FOXJ3: variants seen among roughly 807,000 people sequenced by gnomAD.
The protein encoded by FOXJ3 is forkhead box protein J3.
Under a neutral mutation model 76.1 loss-of-function variants are expected in FOXJ3, and 22 were observed. The ratio of observed to expected loss-of-function variants is 0.29; its 90% CI spans 0.21 to 0.41. The LOEUF is 0.41. FOXJ3 is among the 10% of genes least tolerant of loss of function. The pLI is 1.00. For missense variants in FOXJ3, 613 were observed against 762.1 expected (o/e 0.80, Z 2.30); for synonymous variants, 269 against 261.2 (o/e 1.03, Z -0.29).
At chr1:42,277,776 G>C (rs553091347) in intron 3 of FOXJ3, among the ~76,000 whole-genome samples, 2 of 60,952 alleles carry the variant, frequency 3.3e-5, no homozygotes, top group African/African-American at 5.9e-5. Context: ...CAGCCTGGGC[G>C]ACAGAGCGAG....
intron 9 of FOXJ3, 30 bp downstream of exon 9, chr1:42,191,273 C>T: frequency 6.6e-7 from 1 of 1,517,950 alleles, no homozygotes. Context: ...TCACAGTTAG[C>T]CAAACACAAA....
chr1:42,254,982 A>G (rs1335601768), intron 4 of FOXJ3, among the ~76,000 whole-genome samples: 1 of 152,054 alleles, frequency 6.6e-6, no homozygotes, highest in African/African-American at 2.4e-5. Context: ...TTAAAAAAAG[A>G]AAAGAAAAAA....
chr1:42,258,091 G>A (rs542483597), intron 4 of FOXJ3, among the ~76,000 whole-genome samples: 22 of 152,284 alleles, frequency 1.4e-4, no homozygotes, highest in African/African-American at 4.6e-4. Context: ...GTATATGCCC[G>A]TTGGTAAAGG....
intron 4 of FOXJ3, among the ~76,000 whole-genome samples, chr1:42,229,786 G>A (rs896482529): frequency 6.6e-6 from 1 of 152,116 alleles, no homozygotes; most frequent in Non-Finnish European, 1.5e-5. Context: ...ATGCAAGGGG[G>A]AAAAATTTTA....
chr1:42,261,255 G>A (rs1409097581), intron 4 of FOXJ3, among the ~76,000 whole-genome samples: 2 of 150,942 alleles, frequency 1.3e-5, no homozygotes, highest in African/African-American at 4.9e-5. Context: ...AAAGAGAAGA[G>A]ACAAAAGACG....
intron 4 of FOXJ3, among the ~76,000 whole-genome samples, chr1:42,251,959 C>T (rs1417636486): frequency 2.0e-5 from 3 of 151,978 alleles, no homozygotes; most frequent in Non-Finnish European, 2.9e-5. Context: ...CCTCGTGATC[C>T]GCCCATCTCG....
chr1:42,300,426 G>T (rs1201678719), intron 2 of FOXJ3, among the ~76,000 whole-genome samples: 2 of 152,084 alleles, frequency 1.3e-5, no homozygotes, highest in Non-Finnish European at 2.9e-5. Context: ...GTTTGTCTGG[G>T]AAAGACTTTA....
chr1:42,179,568 C>T lies in FOXJ3; in HGVS notation c.*142G>A, dbSNP rs1646276022. On this transcript the variant is annotated 3_prime_UTR_variant, in exon 13 of 13. Coordinates refer to ENST00000361346, the MANE Select transcript of FOXJ3 (RefSeq NM_014947.5). ...AGCAGTAAGTTATCCAGCTAAAATC[C>T]TTCTGATTGTCTTCAAAAGTAATTT... The T allele has an allele frequency of 1.8e-6, 1 of 555,506 alleles. No homozygotes were observed. The highest frequency in any genetic ancestry group is 1.9e-5 in the African/African-American group (1 of 52,872). The allele number at this position is 555,506 out of a possible 1,614,324, so 34.4% of individuals were successfully genotyped here.
At chr1:42,267,360 T>C (rs768999075) in intron 3 of FOXJ3, among the ~76,000 whole-genome samples, 1 of 151,902 alleles carries the variant, frequency 6.6e-6, no homozygotes, top group Non-Finnish European at 1.5e-5. Context: ...CAAGCACAAA[T>C]TAACAGGAGC....
chr1:42,179,916 G>A (rs1646284560), intron 12 of FOXJ3, 91 bp from the exon 13 acceptor site: 1 of 784,016 alleles, frequency 1.3e-6, no homozygotes, highest in Non-Finnish European at 2.2e-6. Context: ...CTATATGCCA[G>A]GCACACATTA....
chr1:42,222,798 TGTTCATTGCTGTTTCCTCAG>T (rs937475743), intron 5 of FOXJ3, among the ~76,000 whole-genome samples: 3 of 152,214 alleles, frequency 2.0e-5, no homozygotes, highest in Non-Finnish European at 2.9e-5. Flanking sequence ...TTTTGTGTTT[TGTTCATTGCTGTTTCCTCAG>T]GATCTAGAAC....
In FOXJ3 at chr1:42,259,817, G is replaced by A. The variant is rs150917828; in HGVS notation, c.444+5298C>T. Among the ~76,000 whole-genome samples, 160 of 152,054 alleles carry A rather than the reference G, an allele frequency of 1.1e-3. 3 individuals are homozygous for A. The East Asian group carries it at 0.028, about 26-fold the overall frequency. ...ATTCTACCCAGCTTTGCTCTGACTCGTCCCTCAGCTAAACTTGATCATATC... is the reference window on the plus strand; with the variant it reads ...ATTCTACCCAGCTTTGCTCTGACTCATCCCTCAGCTAAACTTGATCATATC... On this transcript the variant is annotated intron_variant, in intron 4 of 12. Coordinates refer to ENST00000361346, the MANE Select transcript of FOXJ3 (RefSeq NM_014947.5).
At chr1:42,305,134 G>A (rs1473900915) in intron 2 of FOXJ3, among the ~76,000 whole-genome samples, 2 of 152,154 alleles carry the variant, frequency 1.3e-5, no homozygotes, top group African/African-American at 4.8e-5. Context: ...ACAGGTGTAT[G>A]AAAAAGTGCT....
intron 4 of FOXJ3, among the ~76,000 whole-genome samples, chr1:42,263,060 G>C (rs1651182053): frequency 6.6e-6 from 1 of 152,206 alleles, no homozygotes; most frequent in East Asian, 1.9e-4. Flanking sequence ...AGCCTCTCAG[G>C]ACTCAATTTA....
At chr1:42,235,917 G>C (rs901805555) in intron 4 of FOXJ3, among the ~76,000 whole-genome samples, 1 of 151,950 alleles carries the variant, frequency 6.6e-6, no homozygotes, top group Non-Finnish European at 1.5e-5. Context: ...CAAACTCTTG[G>C]GCTCAAATGA....
chr1:42,241,179 C>T (rs562257970), intron 4 of FOXJ3, among the ~76,000 whole-genome samples: 2 of 152,272 alleles, frequency 1.3e-5, no homozygotes, highest in Admixed American at 1.3e-4. Context: ...AGAATCCCTA[C>T]GAGGGCCCTG....
In FOXJ3 at chr1:42,328,148, T is replaced by A. The variant is rs146717559; in HGVS notation, c.-18+6911A>T. On this transcript the variant is annotated intron_variant, in intron 1 of 12. Coordinates refer to ENST00000361346, the MANE Select transcript of FOXJ3 (RefSeq NM_014947.5). ...TTGTCTGAATTAAAAATAAATAAAT[T>A]AGCCAGGTGTGGTGGTACGCACCTC... 4.0e-3 allele frequency among the ~76,000 whole-genome samples: 615 copies of A among 152,130 alleles called. 4 individuals carry two copies. The highest frequency in any genetic ancestry group is 5.6e-3 in the Non-Finnish European group (384 of 67,974).
chr1:42,234,952 C>T (rs543851323), intron 4 of FOXJ3, among the ~76,000 whole-genome samples: 2 of 152,350 alleles, frequency 1.3e-5, no homozygotes, highest in South Asian at 4.1e-4. Flanking sequence ...ACATTTAAGT[C>T]TGCAGAGGAT....
chr1:42,198,045 A>G (rs954504981), intron 7 of FOXJ3, among the ~76,000 whole-genome samples: 1 of 152,072 alleles, frequency 6.6e-6, no homozygotes, highest in African/African-American at 2.4e-5. Flanking sequence ...ACAGATACGG[A>G]GGGCTGACTG....
Sources: gnomAD v4.1 joint callset for allele counts (sites outside exome capture counted in the v4.1 genomes callset) on GRCh38, gnomAD v4.1.1 for gene constraint, MANE v1.5 for transcripts, NCBI Gene and HGNC (gene_info 2026-07-23, HGNC 2026-07-21) for gene names.